Variants in ST7 observed in about 807,000 individuals in gnomAD.
ST7 encodes suppressor of tumorigenicity 7 protein.
A neutral mutation model predicts 78.7 loss-of-function variants in ST7; 28 were observed. The ratio of observed to expected loss-of-function variants is 0.36; its 90% CI spans 0.26 to 0.49. ST7 has a LOEUF of 0.49. ST7 is among the 20% of genes least tolerant of loss of function. ST7 has a pLI of 0.99. For missense variants in ST7, 418 were observed against 696.0 expected, an observed-to-expected ratio of 0.60 and a Z score of 4.49; for synonymous variants, 247 against 249.6, an observed-to-expected ratio of 0.99 and a Z score of 0.10.
intron 1 of ST7, among the ~76,000 whole-genome samples, chr7:117,044,081 T>C (rs1342880334): frequency 6.6e-6 from 1 of 152,184 alleles, no homozygotes; most frequent in Non-Finnish European, 1.5e-5. Context: ...TCAGTACACA[T>C]CCCTGGGATC....
intron 9 of ST7, among the ~76,000 whole-genome samples, 165 bp downstream of exon 9, chr7:117,138,697 T>A (rs766334535): frequency 5.9e-4 from 90 of 152,286 alleles, no homozygotes; most frequent in Non-Finnish European, 1.1e-3. Flanking sequence ...ATGATGTATG[T>A]TGGGCAAGTT....
chr7:117,197,200 A>G (rs1470044044), intron 12 of ST7, among the ~76,000 whole-genome samples: 3 of 152,148 alleles, frequency 2.0e-5, no homozygotes. Context: ...ACACTCAGCC[A>G]GCTTTTAAAA....
At chr7:117,074,366 G>A (rs1184676537) in intron 1 of ST7, among the ~76,000 whole-genome samples, 1 of 152,172 alleles carries the variant, frequency 6.6e-6, no homozygotes, top group African/African-American at 2.4e-5. Flanking sequence ...ACTCCAACAT[G>A]GGCAATAGAG....
rs141575526 is a variant in ST7 at position 117,029,644 on chromosome 7, A to G, written c.152-70118A>G. On this transcript the variant is annotated intron_variant, in intron 1 of 15. Transcript: ENST00000323984. Reference sequence around the variant, plus strand: ...TATTTTGCTTATGTTATTGTCACGAATATTTTTCTCCTGTATTTTCTTCCA... The same window carrying G: ...TATTTTGCTTATGTTATTGTCACGAGTATTTTTCTCCTGTATTTTCTTCCA... Among the ~76,000 whole-genome samples the G allele has an allele frequency of 3.0e-4, 45 of 152,032 alleles. No homozygotes were observed. The East Asian group carries it at 7.7e-3, about 26-fold the overall frequency.
At chr7:117,178,774 C>T (rs75067832) in intron 10 of ST7, among the ~76,000 whole-genome samples, 2,213 of 152,156 alleles carry the variant, frequency 0.015, 59 homozygotes, top group African/African-American at 0.049. Flanking sequence ...AGTTTTGCAC[C>T]ATAAGTTTTC....
At chr7:117,117,806 A>G (rs180749520) in intron 2 of ST7, 1 of 152,188 alleles carries the variant, frequency 6.6e-6, no homozygotes. Flanking sequence ...GGTGTTTTAC[A>G]TGGGGTTAGT....
chr7:116,964,955 C>T (rs1160687411), intron 1 of ST7, among the ~76,000 whole-genome samples: 1 of 152,132 alleles, frequency 6.6e-6, no homozygotes, highest in African/African-American at 2.4e-5. Context: ...CAAGCAAATT[C>T]TGTTCTTAGA....
intron 13 of ST7, among the ~76,000 whole-genome samples, chr7:117,215,350 T>G (rs986395853): frequency 6.6e-6 from 1 of 152,174 alleles, no homozygotes; most frequent in East Asian, 1.9e-4. Flanking sequence ...GTTCTATCAC[T>G]TGCATTTCTA....
chr7:117,217,038 C>T (rs1019210221), intron 13 of ST7, among the ~76,000 whole-genome samples: 1 of 152,138 alleles, frequency 6.6e-6, no homozygotes, highest in Non-Finnish European at 1.5e-5. Flanking sequence ...AAACATGTAG[C>T]ATTTGACTGA....
At chr7:117,090,911 A>G (rs1467613987) in intron 1 of ST7, 1 of 166,776 alleles carries the variant, frequency 6.0e-6, no homozygotes. Context: ...CCCTCCAGCA[A>G]GGGAGAAGGT....
At chr7:117,029,337 A>G (rs1304756537) in intron 1 of ST7, among the ~76,000 whole-genome samples, 1 of 152,014 alleles carries the variant, frequency 6.6e-6, no homozygotes, top group African/African-American at 2.4e-5. Flanking sequence ...CATGTCTTTC[A>G]TTCTTATCAT....
chr7:117,170,743 C>T, intron 9 of ST7, 119 bp from the exon 10 acceptor site: 1 of 332,758 alleles, frequency 3.0e-6, no homozygotes, highest in Non-Finnish European at 5.3e-6. Flanking sequence ...AATCATTTTA[C>T]TTTGTGTATA....
chr7:116,965,298 C>T (rs1793050781), intron 1 of ST7, among the ~76,000 whole-genome samples: 1 of 150,130 alleles, frequency 6.7e-6, no homozygotes, highest in Admixed American at 6.6e-5. Flanking sequence ...TGAGATTGCA[C>T]CACTGCACTC....
intron 1 of ST7, among the ~76,000 whole-genome samples, chr7:117,001,340 A>T (rs951992609): frequency 1.3e-5 from 2 of 151,686 alleles, no homozygotes; most frequent in Non-Finnish European, 2.9e-5. Flanking sequence ...TGAAAAAAAC[A>T]TAGAAAAGAA....
At chr7:117,066,111 G>GT (rs1798618728) in intron 1 of ST7, among the ~76,000 whole-genome samples, 1 of 152,132 alleles carries the variant, frequency 6.6e-6, no homozygotes, top group Non-Finnish European at 1.5e-5. Flanking sequence ...ATTTATTCAT[G>GT]TTTTTTCTCT....
At chr7:117,144,103 A>C (rs1464629193) in intron 9 of ST7, 1 of 152,286 alleles carries the variant, frequency 6.6e-6, no homozygotes, top group East Asian at 1.9e-4. Flanking sequence ...TTTTTGTGAA[A>C]ACTAACTATA....
At chr7:117,134,287 G>A (rs901874814) in intron 7 of ST7, 95 bp downstream of exon 7, 5 of 1,558,582 alleles carry the variant, frequency 3.2e-6, no homozygotes, top group Non-Finnish European at 3.5e-6. Flanking sequence ...ACACTTTCTT[G>A]CTTCTGTATG....
At chr7:117,218,366 T>C (rs1792851958) in intron 13 of ST7, among the ~76,000 whole-genome samples, 1 of 152,144 alleles carries the variant, frequency 6.6e-6, no homozygotes, top group East Asian at 1.9e-4. Flanking sequence ...GTAACACACT[T>C]GATCATGGGA....
intron 9 of ST7, among the ~76,000 whole-genome samples, chr7:117,147,817 A>ATTTCATTTT (rs1805925705): frequency 6.6e-6 from 1 of 151,720 alleles, no homozygotes; most frequent in African/African-American, 2.4e-5. Context: ...TTTCTTTTAA[A>ATTTCATTTT]TTTCATTTTA....
Sources: gnomAD v4.1 joint callset for allele counts (sites outside exome capture counted in the v4.1 genomes callset) on GRCh38, gnomAD v4.1.1 for gene constraint, MANE v1.5 for transcripts, NCBI Gene and HGNC (gene_info 2026-07-23, HGNC 2026-07-21) for gene names.